DSN1: variants seen among roughly 807,000 people sequenced by gnomAD.
The protein encoded by DSN1 is DSN1 component of MIS12 kinetochore complex, also known as kinetochore-associated protein DSN1 homolog.
Under a neutral mutation model 45.7 loss-of-function variants are expected in DSN1, and 31 were observed. The ratio of observed to expected loss-of-function variants is 0.68; its 90% CI spans 0.51 to 0.92. The LOEUF (loss-of-function observed/expected upper bound fraction) is 0.92, where lower values mean the gene tolerates loss of function less well. Among genes scored for constraint, DSN1 ranks in the 40% least tolerant of loss-of-function variants. The pLI is 0.00. For missense variants in DSN1, 394 were observed against 414.2 expected, an observed-to-expected ratio of 0.95 and a Z score of 0.42; for synonymous variants, 134 against 142.3, an observed-to-expected ratio of 0.94 and a Z score of 0.41.
At chr20:36,771,259 G>C in intron 2 of DSN1, 66 bp from the exon 3 acceptor site, 5 of 1,537,274 alleles carry the variant, frequency 3.3e-6, no homozygotes, top group Non-Finnish European at 4.4e-6. Flanking sequence ...GTGCAAAAAA[G>C]TGGAAAAAGT....
intron 8 of DSN1, among the ~76,000 whole-genome samples, chr20:36,757,594 A>C (rs1052533118): frequency 2.7e-5 from 4 of 150,464 alleles, no homozygotes; most frequent in Non-Finnish European, 4.4e-5. Context: ...AACAAAACAA[A>C]ACAACACCTA....
chr20:36,755,153 G>T (rs1986603806), intron 9 of DSN1, among the ~76,000 whole-genome samples: 1 of 152,070 alleles, frequency 6.6e-6, no homozygotes, highest in African/African-American at 2.4e-5. Flanking sequence ...CCCATTAGAT[G>T]CCACAGTAAC....
At position 36,758,598 on chromosome 20, in the gene DSN1, A is replaced by G; in HGVS notation, c.610T>C (p.Leu204=). 1 of 1,611,688 alleles carries G rather than the reference A, an allele frequency of 6.2e-7. No individual in the cohort carries two copies. The highest frequency in any genetic ancestry group is 8.5e-7 in the Non-Finnish European group (1 of 1,179,526). The change falls in exon 7 of 11, where the codon TTG becomes CTG. Residue 204 remains leucine (L), a synonymous_variant. Transcript: ENST00000373750. ...DSNGKASDFS[L]EASVAEMKEY... is the part of the protein sequence containing the mutation. ...TTCATCTCAGCCACAGATGCTTCCAAAGAAAAATCTGATGCTTTTCTGGAA... is the reference window on the plus strand; with the variant it reads ...TTCATCTCAGCCACAGATGCTTCCAGAGAAAAATCTGATGCTTTTCTGGAA...
At chr20:36,767,843 A>C (rs62208079) in intron 4 of DSN1, 126 bp downstream of exon 4, 1 of 876,520 alleles carries the variant, frequency 1.1e-6, no homozygotes, top group Non-Finnish European at 1.8e-6. Flanking sequence ...CGGAGGTTGC[A>C]GTGAGTCAAG....
intron 5 of DSN1, among the ~76,000 whole-genome samples, chr20:36,766,296 G>T (rs1987334361): frequency 2.0e-5 from 3 of 151,968 alleles, no homozygotes; most frequent in African/African-American, 7.2e-5. Flanking sequence ...AACTTAGACT[G>T]GGGGCCAGAA....
rs6072153 is a variant in DSN1 at position 36,767,249 on chromosome 20, G to A, written c.430-408C>T. Among the ~76,000 whole-genome samples the A allele has an allele frequency of 3.3e-5, 5 of 152,216 alleles. No homozygotes were observed. In the East Asian group the frequency reaches 7.7e-4, roughly 24 times the overall value. Reference sequence around the variant, plus strand: ...TTGAACCTGGGAGGCGGAGGTTGCAGTGAGCCGAGATTGTGCCACTGCACT... The same window carrying A: ...TTGAACCTGGGAGGCGGAGGTTGCAATGAGCCGAGATTGTGCCACTGCACT... On this transcript the variant is annotated intron_variant, in intron 4 of 10. Coordinates refer to ENST00000373750, the MANE Select transcript of DSN1 (RefSeq NM_001145315.2).
intron 5 of DSN1, among the ~76,000 whole-genome samples, chr20:36,763,885 C>CCAA (rs1168740700): frequency 2.7e-5 from 1 of 37,462 alleles, no homozygotes; most frequent in African/African-American, 1.2e-4. Context: ...AACTCTGTCT[C>CCAA]AAAAAAAAAA....
At chr20:36,764,220 C>CA (rs151127917) in intron 5 of DSN1, among the ~76,000 whole-genome samples, 397 of 126,320 alleles carry the variant, frequency 3.1e-3, no homozygotes, top group Middle Eastern at 0.016. Context: ...GATCCTGTCT[C>CA]AAAAAAAAAA....
At chr20:36,771,774 C>A (rs1186098009) in intron 1 of DSN1, among the ~76,000 whole-genome samples, 3 of 152,230 alleles carry the variant, frequency 2.0e-5, no homozygotes, top group Admixed American at 2.0e-4. Context: ...GTCTTCCAAA[C>A]TAGAAAAACC....
chr20:36,756,866 G>A (rs545272730), intron 8 of DSN1, among the ~76,000 whole-genome samples: 3 of 152,262 alleles, frequency 2.0e-5, no homozygotes, highest in South Asian at 4.1e-4. Flanking sequence ...TATGTAAGGG[G>A]TGAATAAAGT....
rs1300730268 is a variant in DSN1 at position 36,751,955 on chromosome 20, G to C, written c.*833C>G. On this transcript the variant is annotated 3_prime_UTR_variant, in exon 11 of 11. Transcript: ENST00000373750. The stretch of plus-strand genomic sequence containing the variant: ...AGCACACTACAGACAACAGGACATA[G>C]AGAATGAGTGGTATTTCCTTCAAAT... 4.6e-5 allele frequency: 7 copies of C among 152,146 alleles called. No individual in the cohort carries two copies. The South Asian group carries it at 6.2e-4, about 13-fold the overall frequency. 9.4% of individuals were successfully genotyped at this position (152,146 alleles called of 1,614,324 possible).
intron 8 of DSN1, among the ~76,000 whole-genome samples, chr20:36,757,540 C>T (rs1986741725): frequency 6.6e-6 from 1 of 152,154 alleles, no homozygotes; most frequent in African/African-American, 2.4e-5. Context: ...CCATGCACTC[C>T]AGCCTTGGCA....
intron 6 of DSN1, among the ~76,000 whole-genome samples, chr20:36,760,686 G>A (rs745492284): frequency 5.3e-5 from 8 of 151,986 alleles, no homozygotes; most frequent in Non-Finnish European, 8.8e-5. Context: ...TTAGGAGTTC[G>A]AGACCAGTCT....
chr20:36,770,952 C>G lies in DSN1; in HGVS notation c.276G>C (p.Arg92Ser). Residue 92 changes from arginine (R) to serine (S), a missense_variant, in exon 3 of 11, where the codon AGG becomes AGC. By Grantham distance (110) the Arg-to-Ser change is moderately radical. Coordinates refer to ENST00000373750, the MANE Select transcript of DSN1 (RefSeq NM_001145315.2). ...TACTTGCTCGCCGCCAGGATTGCCT[C>G]CTGTCTTGATAACTGGCAGATTGTT... ...PQEQSASYQDRRQSWRRASMK... is the reference protein window; with the variant it reads ...PQEQSASYQDSRQSWRRASMK... 1 of 1,614,192 alleles carries G rather than the reference C, an allele frequency of 6.2e-7. No individual in the cohort carries two copies. Among genetic ancestry groups the G allele is most frequent in the Non-Finnish European group, 8.5e-7 (1 of 1,180,036 alleles).
At chr20:36,763,480 TA>T (rs1408020686) in intron 5 of DSN1, among the ~76,000 whole-genome samples, 1 of 93,156 alleles carries the variant, frequency 1.1e-5, no homozygotes, top group Non-Finnish European at 2.3e-5. Flanking sequence ...CGGAGGCAAA[TA>T]AAAAATTATG....
At chr20:36,769,003 C>T (rs1000376783) in intron 3 of DSN1, among the ~76,000 whole-genome samples, 2 of 152,130 alleles carry the variant, frequency 1.3e-5, no homozygotes, top group Admixed American at 6.6e-5. Flanking sequence ...TTTCATTAAA[C>T]CTTGAGGCAA....
chr20:36,769,930 CACACACACACAGAG>C (rs1049689774), intron 3 of DSN1, among the ~76,000 whole-genome samples: 2 of 129,404 alleles, frequency 1.5e-5, no homozygotes, highest in East Asian at 2.1e-4. Flanking sequence ...CACACACACA[CACACACACACAGAG>C]AGAGAGAGAC....
chr20:36,764,330 T>C (rs942665838), intron 5 of DSN1, among the ~76,000 whole-genome samples: 4 of 152,204 alleles, frequency 2.6e-5, no homozygotes, highest in Non-Finnish European at 5.9e-5. Flanking sequence ...GCTATGTTAA[T>C]TAGTTATCAG....
chr20:36,764,297 G>A (rs1228515967), intron 5 of DSN1, among the ~76,000 whole-genome samples: 1 of 152,042 alleles, frequency 6.6e-6, no homozygotes, highest in Non-Finnish European at 1.5e-5. Flanking sequence ...ACTACATTCA[G>A]GTGAAGAACA....
Sources: gnomAD v4.1 joint callset for allele counts (sites outside exome capture counted in the v4.1 genomes callset) on GRCh38, gnomAD v4.1.1 for gene constraint, MANE v1.5 for transcripts, NCBI Gene and HGNC (gene_info 2026-07-23, HGNC 2026-07-21) for gene names.